The following PHF24 variants were observed in gnomAD, a reference collection of about 807,000 sequenced individuals.
The protein encoded by PHF24 is Galpha inhibitory interacting protein.
A neutral mutation model predicts 42.6 loss-of-function variants in PHF24; 25 were observed. The ratio of observed to expected loss-of-function variants is 0.59; its 90% CI spans 0.43 to 0.82. The LOEUF is 0.82. Ranked by LOEUF, PHF24 falls within the 40% of genes least tolerant of loss-of-function variation. PHF24 has a pLI of 0.00. For synonymous variants in PHF24, 185 were observed against 204.8 expected, an observed-to-expected ratio of 0.90 and a Z score of 0.83; for missense variants, 470 against 538.1, an observed-to-expected ratio of 0.87 and a Z score of 1.25.
At chr9:34,938,646 G>A in the PHF24 span, among the ~76,000 whole-genome samples, 566 of 152,270 alleles carry the variant, frequency 3.7e-3, 3 homozygotes, top group Non-Finnish European at 3.8e-3. Context: ...CCATGAGCCT[G>A]TTGCTGGGCG....
At chr9:34,703,758 G>A in the PHF24 span, among the ~76,000 whole-genome samples, 5 of 143,582 alleles carry the variant, frequency 3.5e-5, no homozygotes, top group East Asian at 2.0e-4. Flanking sequence ...TAGAGACAGG[G>A]CCTTGCCATG....
At chr9:34,826,423 G>A in the PHF24 span, among the ~76,000 whole-genome samples, 10 of 152,182 alleles carry the variant, frequency 6.6e-5, no homozygotes, top group Non-Finnish European at 1.2e-4. Flanking sequence ...TAGAGCATTC[G>A]GCCCTGGTTG....
the PHF24 span, among the ~76,000 whole-genome samples, chr9:34,780,353 G>A: frequency 8.2e-6 from 1 of 121,766 alleles, no homozygotes; most frequent in African/African-American, 3.1e-5. Context: ...CTGGAGTGCA[G>A]TGGTGTGATC....
the PHF24 span, among the ~76,000 whole-genome samples, chr9:34,870,707 A>C: frequency 6.6e-6 from 1 of 152,084 alleles, no homozygotes; most frequent in Non-Finnish European, 1.5e-5. Flanking sequence ...AACTGGGACC[A>C]CAGGTGCACA....
At chr9:34,760,121 G>A in the PHF24 span, among the ~76,000 whole-genome samples, 1 of 152,296 alleles carries the variant, frequency 6.6e-6, no homozygotes, top group East Asian at 1.9e-4. Flanking sequence ...TACACGAAAA[G>A]CCTCTGTGGA....
the PHF24 span, among the ~76,000 whole-genome samples, chr9:34,732,093 C>T: frequency 6.7e-6 from 1 of 150,080 alleles, no homozygotes; most frequent in South Asian, 2.1e-4. Flanking sequence ...AACTCGTAGG[C>T]TCAGGTGATC....
the PHF24 span, among the ~76,000 whole-genome samples, chr9:34,768,600 C>T: frequency 6.6e-6 from 1 of 152,090 alleles, no homozygotes; most frequent in Admixed American, 6.6e-5. Context: ...TTAAATTTAG[C>T]ACTGTGCCTG....
chr9:34,886,010 T>TGG, the PHF24 span, among the ~76,000 whole-genome samples: 1 of 152,032 alleles, frequency 6.6e-6, no homozygotes, highest in East Asian at 1.9e-4. Flanking sequence ...CCCTTATATG[T>TGG]GGAGGAATTC....
the PHF24 span, chr9:34,729,205 G>A: frequency 6.9e-7 from 1 of 1,451,246 alleles, no homozygotes; most frequent in Non-Finnish European, 9.1e-7. Flanking sequence ...TCTGGGGTGG[G>A]GATTATAAGG....
chr9:34,667,427 A>C, the PHF24 span, among the ~76,000 whole-genome samples: 3 of 152,112 alleles, frequency 2.0e-5, no homozygotes, highest in Non-Finnish European at 2.9e-5. Context: ...GCAGTCTGGG[A>C]GTTCAGAAGC....
chr9:34,704,200 C>CTT, the PHF24 span, among the ~76,000 whole-genome samples: 24 of 148,382 alleles, frequency 1.6e-4, no homozygotes, highest in East Asian at 6.0e-4. Context: ...CTAATTCTTT[C>CTT]TTTTTTTTTT....
At chr9:34,922,057 T>A in the PHF24 span, 1 of 851,298 alleles carries the variant, frequency 1.2e-6, no homozygotes, top group East Asian at 2.5e-5. Context: ...GTGGGAAATA[T>A]AGAAATTCAA....
the PHF24 span, among the ~76,000 whole-genome samples, chr9:34,844,490 T>C: frequency 6.6e-6 from 1 of 152,206 alleles, no homozygotes; most frequent in Non-Finnish European, 1.5e-5. Flanking sequence ...GTGTTTCCTC[T>C]TTCATTTGCC....
chr9:34,699,902 A>T, the PHF24 span, among the ~76,000 whole-genome samples: 3 of 152,230 alleles, frequency 2.0e-5, no homozygotes, highest in African/African-American at 7.2e-5. Context: ...AATAAGTGCT[A>T]TGAAGAAAAA....
At chr9:34,834,575 A>G in the PHF24 span, 1 of 1,550,934 alleles carries the variant, frequency 6.4e-7, no homozygotes, top group Non-Finnish European at 8.7e-7. Context: ...CCTGGTGAGC[A>G]CTGAGATGGA....
chr9:34,810,402 G>A, the PHF24 span, among the ~76,000 whole-genome samples: 2 of 152,202 alleles, frequency 1.3e-5, no homozygotes, highest in Non-Finnish European at 2.9e-5. Flanking sequence ...CTCTGGATTT[G>A]CTGCCATGGG....
chr9:34,792,148 G>A, the PHF24 span, among the ~76,000 whole-genome samples: 1 of 152,198 alleles, frequency 6.6e-6, no homozygotes, highest in African/African-American at 2.4e-5. Flanking sequence ...TTGATAGGGA[G>A]TAGTATCTCA....
chr9:34,927,874 A>G, the PHF24 span, among the ~76,000 whole-genome samples: 2 of 152,160 alleles, frequency 1.3e-5, no homozygotes, highest in Non-Finnish European at 1.5e-5. Flanking sequence ...CATCTTGCCA[A>G]TGTCACTATT....
At chr9:34,883,988 G>A in the PHF24 span, among the ~76,000 whole-genome samples, 1 of 152,178 alleles carries the variant, frequency 6.6e-6, no homozygotes, top group Non-Finnish European at 1.5e-5. Context: ...GTGATAGACT[G>A]GATTAAGAAA....
Sources: gnomAD v4.1 joint callset for allele counts (sites outside exome capture counted in the v4.1 genomes callset) on GRCh38, gnomAD v4.1.1 for gene constraint, MANE v1.5 for transcripts, NCBI Gene and HGNC (gene_info 2026-07-23, HGNC 2026-07-21) for gene names.